The following BLTP3A variants were observed in gnomAD, a reference collection of about 807,000 sequenced individuals.
BLTP3A encodes the protein ICBP90 binding protein 1.
chr6:34,848,020 GATGAT>G, the BLTP3A span, among the ~76,000 whole-genome samples: 1 of 143,020 alleles, frequency 7.0e-6, no homozygotes, highest in Non-Finnish European at 1.5e-5. Context: ...CCTGGGCTCA[GATGAT>G]CCTCCAACCT....
the BLTP3A span, among the ~76,000 whole-genome samples, chr6:34,844,257 C>T: frequency 4.1e-4 from 62 of 152,022 alleles, no homozygotes; most frequent in Admixed American, 7.9e-4. Context: ...GCTGGGATTA[C>T]AGGCGTGAGC....
At chr6:34,851,454 C>T in the BLTP3A span, among the ~76,000 whole-genome samples, 2 of 152,162 alleles carry the variant, frequency 1.3e-5, no homozygotes, top group Admixed American at 6.5e-5. Flanking sequence ...CAGGCAGAGC[C>T]TCTTGTTCTC....
At chr6:34,805,606 A>AG in the BLTP3A span, among the ~76,000 whole-genome samples, 1 of 150,616 alleles carries the variant, frequency 6.6e-6, no homozygotes, top group Non-Finnish European at 1.5e-5. Context: ...AAAAAAAAAA[A>AG]AAAAAGATAA....
At chr6:34,859,253 G>T in the BLTP3A span, 1 of 1,614,114 alleles carries the variant, frequency 6.2e-7, no homozygotes, top group East Asian at 2.2e-5. Context: ...CAGCTGGCAG[G>T]GAAGGGCCAT....
At chr6:34,808,359 A>AAAAG in the BLTP3A span, among the ~76,000 whole-genome samples, 1 of 150,802 alleles carries the variant, frequency 6.6e-6, no homozygotes, top group Non-Finnish European at 1.5e-5. Flanking sequence ...AAAAAAAAAA[A>AAAAG]AAAAAAAAAA....
the BLTP3A span, among the ~76,000 whole-genome samples, chr6:34,826,610 G>A: frequency 1.3e-5 from 2 of 152,048 alleles, no homozygotes; most frequent in Non-Finnish European, 2.9e-5. Context: ...TTTCCGACTT[G>A]GCCTCTCAAA....
the BLTP3A span, among the ~76,000 whole-genome samples, chr6:34,855,119 A>G: frequency 6.6e-6 from 1 of 152,206 alleles, no homozygotes; most frequent in African/African-American, 2.4e-5. Context: ...TTAGCATTCT[A>G]TGGTACTTTG....
the BLTP3A span, among the ~76,000 whole-genome samples, chr6:34,820,758 G>T: frequency 6.7e-6 from 1 of 148,388 alleles, no homozygotes; most frequent in Non-Finnish European, 1.5e-5. Flanking sequence ...GCTCACTGCA[G>T]CCTCAACCTC....
chr6:34,863,198 C>T, the BLTP3A span, among the ~76,000 whole-genome samples: 2 of 152,182 alleles, frequency 1.3e-5, no homozygotes, highest in African/African-American at 4.8e-5. Context: ...TGAGTCACTG[C>T]GCCCGGCCTG....
At chr6:34,867,913 T>C in the BLTP3A span, among the ~76,000 whole-genome samples, 1 of 152,228 alleles carries the variant, frequency 6.6e-6, no homozygotes, top group African/African-American at 2.4e-5. Flanking sequence ...CATAAAACTA[T>C]CTGATCAGGG....
chr6:34,840,273 C>G, the BLTP3A span, among the ~76,000 whole-genome samples: 1 of 151,900 alleles, frequency 6.6e-6, no homozygotes, highest in African/African-American at 2.4e-5. Flanking sequence ...TATTATTGGC[C>G]AGGCTTGGTG....
the BLTP3A span, chr6:34,867,618 T>C: frequency 6.2e-7 from 1 of 1,611,658 alleles, no homozygotes; most frequent in Non-Finnish European, 8.5e-7. Flanking sequence ...AGTGCCCAGG[T>C]AAGGATGGTA....
At chr6:34,821,118 G>A in the BLTP3A span, among the ~76,000 whole-genome samples, 6 of 152,036 alleles carry the variant, frequency 3.9e-5, no homozygotes, top group East Asian at 3.9e-4. Context: ...CACCACACCC[G>A]GCTAATTTAG....
chr6:34,817,558 G>A, the BLTP3A span, among the ~76,000 whole-genome samples: 1 of 152,146 alleles, frequency 6.6e-6, no homozygotes, highest in Non-Finnish European at 1.5e-5. Context: ...TCATGGCCCA[G>A]CAAGCAGCAT....
chr6:34,867,747 G>T, the BLTP3A span: 3 of 1,252,710 alleles, frequency 2.4e-6, no homozygotes, highest in Non-Finnish European at 2.1e-6. Flanking sequence ...CAGCCATTAG[G>T]GGGAGGAAAA....
At chr6:34,876,960 A>G in the BLTP3A span, 4 of 152,464 alleles carry the variant, frequency 2.6e-5, no homozygotes, top group Non-Finnish European at 5.9e-5. Context: ...TCTAATTGCA[A>G]TAGATATAGT....
At chr6:34,824,229 A>G in the BLTP3A span, among the ~76,000 whole-genome samples, 1 of 152,064 alleles carries the variant, frequency 6.6e-6, no homozygotes, top group African/African-American at 2.4e-5. Flanking sequence ...ATATATTGCT[A>G]TCACATTAAA....
the BLTP3A span, chr6:34,834,216 G>A: frequency 6.2e-7 from 1 of 1,613,376 alleles, no homozygotes; most frequent in Non-Finnish European, 8.5e-7. Flanking sequence ...ATTTGTTGTA[G>A]TGAATATGGC....
the BLTP3A span, among the ~76,000 whole-genome samples, chr6:34,798,974 C>T: frequency 1.3e-5 from 2 of 152,094 alleles, no homozygotes; most frequent in African/African-American, 4.8e-5. Context: ...CAGGGTCTCG[C>T]TCTGTTGCCC....
Sources: gnomAD v4.1 joint callset for allele counts (sites outside exome capture counted in the v4.1 genomes callset) on GRCh38, gnomAD v4.1.1 for gene constraint, MANE v1.5 for transcripts, NCBI Gene and HGNC (gene_info 2026-07-23, HGNC 2026-07-21) for gene names.